The following KLHL1 variants were observed in gnomAD, a reference collection of about 807,000 sequenced individuals.
KLHL1 encodes the protein kelch-like protein 1.
Under a neutral mutation model 77.7 loss-of-function variants are expected in KLHL1, and 47 were observed. The observed-to-expected ratio is 0.60, with a 90% CI of 0.48 to 0.77. The LOEUF is 0.77. Among genes scored for constraint, KLHL1 ranks in the 30% least tolerant of loss-of-function variants. The pLI, the probability that KLHL1 is intolerant of heterozygous loss-of-function variation, is 0.00. For missense variants in KLHL1, 925 were observed against 910.8 expected (o/e 1.02, Z -0.20); for synonymous variants, 360 against 325.2 (o/e 1.11, Z -1.15).
intron 1 of KLHL1, among the ~76,000 whole-genome samples, chr13:70,054,806 A>G (rs1186905468): frequency 5.2e-5 from 2 of 38,752 alleles, no homozygotes; most frequent in Non-Finnish European, 1.1e-4. Context: ...GTCTCTTAAC[A>G]GTAAAATTGA....
intron 2 of KLHL1, among the ~76,000 whole-genome samples, chr13:69,967,547 T>A (rs1373428182): frequency 6.6e-6 from 1 of 152,146 alleles, no homozygotes; most frequent in African/African-American, 2.4e-5. Context: ...CTACTCCTGG[T>A]GAAAATTCTG....
chr13:70,098,048 C>A (rs1887835337), intron 1 of KLHL1, among the ~76,000 whole-genome samples: 1 of 151,794 alleles, frequency 6.6e-6, no homozygotes, highest in Admixed American at 6.6e-5. Flanking sequence ...AGATAAAGCT[C>A]TGTCTAATGG....
At chr13:69,711,742 A>C (rs1348751966) in intron 9 of KLHL1, among the ~76,000 whole-genome samples, 2 of 152,084 alleles carry the variant, frequency 1.3e-5, no homozygotes, top group East Asian at 3.9e-4. Flanking sequence ...TCTGGGTCAA[A>C]GAGAGTGTAT....
intron 8 of KLHL1, among the ~76,000 whole-genome samples, chr13:69,727,258 A>C (rs1207230559): frequency 2.0e-5 from 3 of 152,188 alleles, no homozygotes; most frequent in Non-Finnish European, 4.4e-5. Flanking sequence ...CAATAAACTC[A>C]GTCCTGTTAA....
chr13:69,954,725 T>C (rs868740245), intron 3 of KLHL1, among the ~76,000 whole-genome samples: 3 of 151,162 alleles, frequency 2.0e-5, no homozygotes, highest in African/African-American at 7.3e-5. Context: ...AGTCACAAAA[T>C]TGAAATAGTT....
At chr13:69,810,663 T>C (rs1443447407) in intron 6 of KLHL1, among the ~76,000 whole-genome samples, 1 of 151,384 alleles carries the variant, frequency 6.6e-6, no homozygotes, top group Non-Finnish European at 1.5e-5. Context: ...AGCTAGCAGA[T>C]TAAAATAAAT....
At chr13:69,741,316 T>A (rs1873979078) in intron 7 of KLHL1, among the ~76,000 whole-genome samples, 1 of 152,138 alleles carries the variant, frequency 6.6e-6, no homozygotes, top group African/African-American at 2.4e-5. Flanking sequence ...TATTGATTGA[T>A]GTGCTCTTTA....
At chr13:69,865,284 A>C (rs76671379) in intron 5 of KLHL1, among the ~76,000 whole-genome samples, 2 of 152,230 alleles carry the variant, frequency 1.3e-5, no homozygotes, top group Admixed American at 1.3e-4. Context: ...AAGTGTATGC[A>C]TGTCTGAGTA....
intron 4 of KLHL1, among the ~76,000 whole-genome samples, chr13:69,898,215 C>T (rs1398141201): frequency 1.3e-5 from 2 of 152,230 alleles, no homozygotes; most frequent in African/African-American, 4.8e-5. Flanking sequence ...CTGTTACTGA[C>T]ACAAATGCTA....
chr13:69,881,563 T>A (rs1374146890), intron 5 of KLHL1, among the ~76,000 whole-genome samples: 1 of 152,174 alleles, frequency 6.6e-6, no homozygotes, highest in Admixed American at 6.5e-5. Context: ...GAATTAACAA[T>A]GCTGTACATA....
chr13:69,795,298 G>C (rs1015019873), intron 7 of KLHL1, among the ~76,000 whole-genome samples: 2 of 151,848 alleles, frequency 1.3e-5, no homozygotes, highest in Non-Finnish European at 2.9e-5. Context: ...TTTTACTTTG[G>C]ATTGATGGTG....
At chr13:69,741,994 C>T (rs1874007948) in intron 7 of KLHL1, among the ~76,000 whole-genome samples, 1 of 152,114 alleles carries the variant, frequency 6.6e-6, no homozygotes, top group African/African-American at 2.4e-5. Context: ...CGCTTATGAT[C>T]CACCTACCCA....
intron 4 of KLHL1, among the ~76,000 whole-genome samples, chr13:69,937,600 T>G (rs1417570819): frequency 1.3e-5 from 2 of 152,166 alleles, no homozygotes; most frequent in Non-Finnish European, 2.9e-5. Context: ...TCTATATTCA[T>G]GCAGACACAG....
chr13:69,876,457 TA>T (rs1214584679), intron 5 of KLHL1, among the ~76,000 whole-genome samples: 1 of 152,204 alleles, frequency 6.6e-6, no homozygotes, highest in Non-Finnish European at 1.5e-5. Flanking sequence ...CAGAGAGACT[TA>T]ATTCATGTAA....
At chr13:69,942,154 TGTTTC>T (rs200945294) in intron 3 of KLHL1, among the ~76,000 whole-genome samples, 1,566 of 152,122 alleles carry the variant, frequency 0.01, 28 homozygotes, top group African/African-American at 0.035. Context: ...AAGCTTGAAT[TGTTTC>T]ATTTATATTT....
chr13:69,734,017 T>A (rs1473116277), intron 8 of KLHL1, among the ~76,000 whole-genome samples: 1 of 152,040 alleles, frequency 6.6e-6, no homozygotes. Flanking sequence ...TTGACAGAGT[T>A]TGGATGTGTG....
intron 6 of KLHL1, among the ~76,000 whole-genome samples, chr13:69,807,952 GA>G (rs1460042224): frequency 6.6e-6 from 1 of 152,150 alleles, no homozygotes; most frequent in East Asian, 1.9e-4. Flanking sequence ...TGAAGAATAA[GA>G]AGGAGGCAGA....
At chr13:69,999,752 A>G (rs1483097780) in intron 1 of KLHL1, among the ~76,000 whole-genome samples, 2 of 152,234 alleles carry the variant, frequency 1.3e-5, no homozygotes, top group South Asian at 2.1e-4. Context: ...CCTAGCAGGT[A>G]AGCATCTCTG....
In KLHL1 at chr13:69,709,877, T is replaced by C. The variant is rs182984930; in HGVS notation, c.2016-2081A>G. On this transcript the variant is annotated intron_variant, in intron 9 of 10. Coordinates refer to ENST00000377844, the MANE Select transcript of KLHL1 (RefSeq NM_020866.3). ...TGCTTTTTGTTTGGCAGAAAATTTT[T>C]CTAGTACAAATAACTTTAAAGTGAA... 2.0e-3 allele frequency among the ~76,000 whole-genome samples: 291 copies of C among 143,570 alleles called. 4 individuals are homozygous for C. The highest frequency in any genetic ancestry group is 6.6e-3 in the African/African-American group (273 of 41,308). The allele number at this position is 143,570 out of a possible 152,430, so 94.2% of individuals were successfully genotyped here. A position where few individuals can be genotyped will look rare whatever the true frequency, so the allele number is the denominator to read the frequency against.
Sources: gnomAD v4.1 joint callset for allele counts (sites outside exome capture counted in the v4.1 genomes callset) on GRCh38, gnomAD v4.1.1 for gene constraint, MANE v1.5 for transcripts, NCBI Gene and HGNC (gene_info 2026-07-23, HGNC 2026-07-21) for gene names.